CFTR: variants seen among roughly 807,000 people sequenced by gnomAD.
CFTR encodes CF transmembrane conductance regulator.
CFTR carries 181 observed loss-of-function variants against 171.6 expected under a neutral mutation model. The observed-to-expected ratio is 1.05, with a 90% CI of 0.93 to 1.19. The LOEUF (loss-of-function observed/expected upper bound fraction) is 1.19, where lower values mean the gene tolerates loss of function less well. Among genes scored for constraint, CFTR ranks in the 50% most tolerant of loss-of-function variants. The pLI is 0.00. For synonymous variants in CFTR, 583 were observed against 608.0 expected (o/e 0.96, Z 0.60); for missense variants, 1,968 against 1,734.7 (o/e 1.13, Z -2.39).
intron 21 of CFTR, among the ~76,000 whole-genome samples, chr7:117,615,518 G>A: frequency 1.3e-5 from 2 of 151,532 alleles, no homozygotes; most frequent in Admixed American, 6.6e-5. Flanking sequence ...TTTAGTGATA[G>A]CACCTTTCTT....
chr7:117,602,865 T>TA lies in CFTR; in HGVS notation c.2657+2_2657+3insA, dbSNP rs397508414. The TA allele has an allele frequency of 1.7e-4, 279 of 1,611,840 alleles. No homozygotes were observed. The highest frequency in any genetic ancestry group is 2.3e-4 in the Non-Finnish European group (270 of 1,178,014). On this transcript the variant is annotated splice_region_variant and intron_variant, in intron 16 of 26. Coordinates refer to ENST00000003084, the MANE Select transcript of CFTR (RefSeq NM_000492.4). Reference sequence around the variant, plus strand: ...GGTTGTGCTGTGGCTCCTTGGAAAGTGAGTATTCCATGTCCTATTGTGTAG... The same window carrying TA: ...GGTTGTGCTGTGGCTCCTTGGAAAGTAGAGTATTCCATGTCCTATTGTGTAG...
intron 11 of CFTR, among the ~76,000 whole-genome samples, chr7:117,574,823 G>A (rs955955936): frequency 6.6e-6 from 1 of 151,890 alleles, no homozygotes; most frequent in African/African-American, 2.4e-5. Flanking sequence ...TTTGTGTGTG[G>A]CTTTAAAATT....
intron 3 of CFTR, among the ~76,000 whole-genome samples, chr7:117,524,422 A>G (rs1480850656): frequency 6.6e-6 from 1 of 152,108 alleles, no homozygotes; most frequent in Non-Finnish European, 1.5e-5. Flanking sequence ...ATCAAAGTAA[A>G]TTGATGGTAT....
intron 20 of CFTR, among the ~76,000 whole-genome samples, chr7:117,612,054 C>CAT (rs1295752704): frequency 6.5e-4 from 30 of 46,510 alleles, no homozygotes; most frequent in Non-Finnish European, 1.1e-3. Flanking sequence ...TATATATATA[C>CAT]ATATATATAT....
intron 24 of CFTR, among the ~76,000 whole-genome samples, chr7:117,660,333 A>G (rs1793251941): frequency 6.6e-6 from 1 of 152,098 alleles, no homozygotes; most frequent in Non-Finnish European, 1.5e-5. Context: ...TGATAGTATT[A>G]ACAAGATTAT....
intron 11 of CFTR, among the ~76,000 whole-genome samples, chr7:117,567,076 T>C (rs1382712400): frequency 2.0e-5 from 3 of 152,216 alleles, no homozygotes; most frequent in Non-Finnish European, 4.4e-5. Flanking sequence ...TAAGCCATGT[T>C]TTCATATTAA....
chr7:117,512,735 T>C (rs537201493), intron 3 of CFTR, among the ~76,000 whole-genome samples: 1 of 150,978 alleles, frequency 6.6e-6, no homozygotes, highest in South Asian at 2.1e-4. Context: ...GGAAGCCAAG[T>C]AGAGGAAGCT....
chr7:117,636,399 C>T (rs1584833755), intron 22 of CFTR, among the ~76,000 whole-genome samples: 1 of 151,820 alleles, frequency 6.6e-6, no homozygotes, highest in Non-Finnish European at 1.5e-5. Context: ...GCTTGGTTTT[C>T]TCTGAGTTTC....
intron 1 of CFTR, among the ~76,000 whole-genome samples, chr7:117,501,751 AAAAAAAAAAAAAAAAAAAAAGAAAC>A: frequency 2.1e-5 from 3 of 143,482 alleles, no homozygotes; most frequent in Admixed American, 6.8e-5. Flanking sequence ...CTGTCTCAAA[AAAAAAAAAAAAAAAAAAAAAGAAAC>A]AAAAAAAAAA....
intron 1 of CFTR, among the ~76,000 whole-genome samples, chr7:117,493,764 G>T (rs1475255769): frequency 6.6e-6 from 1 of 151,972 alleles, no homozygotes; most frequent in Non-Finnish European, 1.5e-5. Context: ...TTTCTTGAGG[G>T]TTAAGTAATA....
intron 4 of CFTR, among the ~76,000 whole-genome samples, chr7:117,533,002 C>T (rs35722251): frequency 0.037 from 5,566 of 152,156 alleles, 147 homozygotes; most frequent in Non-Finnish European, 0.054. Context: ...CTGCTTTGTT[C>T]CAAATTCTGC....
Position 117,534,314 on chromosome 7 carries a change from T to C in CFTR, c.528T>C (p.Ser176=), listed in dbSNP as rs1798911676. Residue 176 remains serine (S), a synonymous_variant, in exon 5 of 27, where the codon AGT becomes AGC. Transcript: ENST00000003084. ...CAAGCCGTGTTCTAGATAAAATAAGTATTGGACAACTTGTTAGTCTCCTTT... is the reference window on the plus strand; with the variant it reads ...CAAGCCGTGTTCTAGATAAAATAAGCATTGGACAACTTGTTAGTCTCCTTT... ...KLSSRVLDKI[S]IGQLVSLLSN... is the part of the protein sequence containing the mutation. 1 of 1,605,118 alleles carries C rather than the reference T, an allele frequency of 6.2e-7. No homozygotes were observed. Among genetic ancestry groups the C allele is most frequent in the Non-Finnish European group, 8.5e-7 (1 of 1,172,274 alleles).
At chr7:117,506,235 ATGTT>A (rs1471111073) in intron 2 of CFTR, among the ~76,000 whole-genome samples, 1 of 151,994 alleles carries the variant, frequency 6.6e-6, no homozygotes, top group Non-Finnish European at 1.5e-5. Flanking sequence ...GAATATCTAA[ATGTT>A]TGTTGTTGTT....
rs1020531361 is a variant in CFTR at position 117,576,622 on chromosome 7, C to CT, written c.1585-11110dup. On this transcript the variant is annotated intron_variant, in intron 11 of 26. Transcript: ENST00000003084. ...AAATAACAATAACTTTATTATTTAACTTTTTTTATTACTTAGGATTAGAGA... is the reference window on the plus strand; with the variant it reads ...AAATAACAATAACTTTATTATTTAACTTTTTTTTATTACTTAGGATTAGAGA... Among the ~76,000 whole-genome samples, 62 of 152,116 alleles carry CT rather than the reference C, an allele frequency of 4.1e-4. 1 individual carries two copies. Among genetic ancestry groups the CT allele is most frequent in the Admixed American group, 6.6e-5 (1 of 15,262 alleles).
At chr7:117,554,174 G>A (rs1454657942) in intron 10 of CFTR, among the ~76,000 whole-genome samples, 1 of 152,174 alleles carries the variant, frequency 6.6e-6, no homozygotes, top group Non-Finnish European at 1.5e-5. Context: ...GGGAGACAAG[G>A]GAGGAAGCAA....
intron 18 of CFTR, among the ~76,000 whole-genome samples, chr7:117,609,999 A>G (rs941735621): frequency 4.6e-5 from 7 of 151,996 alleles, no homozygotes; most frequent in Non-Finnish European, 8.8e-5. Context: ...TAGTCCAACA[A>G]TGATAGACTG....
chr7:117,487,692 A>G (rs767908792), intron 1 of CFTR: 1 of 152,136 alleles, frequency 6.6e-6, no homozygotes, highest in Non-Finnish European at 1.5e-5. Context: ...TGGACTACAG[A>G]GGTGCAACTA....
chr7:117,652,176 A>G (rs936868559), intron 23 of CFTR, among the ~76,000 whole-genome samples: 2 of 152,126 alleles, frequency 1.3e-5, no homozygotes, highest in African/African-American at 4.8e-5. Context: ...CAGCTGTGCA[A>G]TGCTCCATGC....
At chr7:117,540,036 C>G in intron 7 of CFTR, 64 bp from the exon 8 acceptor site, 1 of 1,387,386 alleles carries the variant, frequency 7.2e-7, no homozygotes, top group Non-Finnish European at 1.0e-6. Flanking sequence ...TCTTCCATTC[C>G]AAGATCCCTG....
Sources: allele counts gnomAD v4.1 joint callset (sites outside exome capture counted in the v4.1 genomes callset), GRCh38; gene constraint gnomAD v4.1.1; transcripts MANE v1.5; gene names NCBI Gene and HGNC (gene_info 2026-07-23, HGNC 2026-07-21).